PUDP: variants seen among roughly 807,000 people sequenced by gnomAD.
PUDP encodes the protein pseudouridine 5'-phosphatase.
A neutral mutation model predicts 9.4 loss-of-function variants in PUDP; 8 were observed. The ratio of observed to expected loss-of-function variants is 0.85; its 90% CI spans 0.50 to 1.53. The LOEUF (loss-of-function observed/expected upper bound fraction) is 1.53. Among genes scored for constraint, PUDP ranks in the 40% most tolerant of loss-of-function variants. The pLI, the probability that PUDP is intolerant of heterozygous loss-of-function variation, is 0.00. For missense variants in PUDP, 188 were observed against 189.7 expected (o/e 0.99, Z 0.05); for synonymous variants, 99 against 80.7 (o/e 1.23, Z -1.22).
At chrX:6,931,026 C>T (rs751965596) in intron 3 of PUDP, among the ~76,000 whole-genome samples, 9 of 109,934 alleles carry the variant, frequency 8.2e-5, no homozygotes, top group Non-Finnish European at 1.1e-4. Flanking sequence ...TATTTTTATT[C>T]GGGTGTGTGA....
At chrX:6,855,966 G>A (rs1461329091) in intron 3 of PUDP, among the ~76,000 whole-genome samples, 1 of 111,386 alleles carries the variant, frequency 9.0e-6, no homozygotes, top group Non-Finnish European at 1.9e-5. Flanking sequence ...AATATATCTA[G>A]GAGCAAATGT....
chrX:6,796,938 T>C (rs748302343), intron 3 of PUDP, among the ~76,000 whole-genome samples: 17 of 112,243 alleles, frequency 1.5e-4, no homozygotes, highest in Non-Finnish European at 3.2e-4. Context: ...GTTGAGTACA[T>C]GCCAGATGGT....
intron 3 of PUDP, among the ~76,000 whole-genome samples, chrX:6,932,583 C>T (rs987875824): frequency 9.0e-6 from 1 of 110,667 alleles, no homozygotes; most frequent in African/African-American, 3.3e-5. Context: ...TCTGAGGTAC[C>T]GGGTTCATCT....
At chrX:7,083,102 G>C (rs1234221304) in intron 2 of PUDP, among the ~76,000 whole-genome samples, 1 of 112,468 alleles carries the variant, frequency 8.9e-6, no homozygotes, top group Non-Finnish European at 1.9e-5. Context: ...TACAGAGGGA[G>C]TGTGGCCCTG....
intron 3 of PUDP, among the ~76,000 whole-genome samples, chrX:6,817,165 C>G (rs1170823232): frequency 9.2e-6 from 1 of 108,631 alleles, no homozygotes; most frequent in African/African-American, 3.3e-5. Context: ...CAGTTTCTAC[C>G]TCCTAGACTC....
intron 3 of PUDP, among the ~76,000 whole-genome samples, chrX:6,874,625 G>A (rs1300556048): frequency 8.9e-6 from 1 of 112,285 alleles, no homozygotes; most frequent in Non-Finnish European, 1.9e-5. Flanking sequence ...TACCATGCTG[G>A]TGAAGTTGAT....
chrX:6,799,170 C>T (rs1413728604), intron 3 of PUDP, among the ~76,000 whole-genome samples: 2 of 112,151 alleles, frequency 1.8e-5, no homozygotes, highest in Non-Finnish European at 3.8e-5. Context: ...AACCTTCATC[C>T]TTTAAAACGA....
intron 1 of PUDP, among the ~76,000 whole-genome samples, chrX:7,008,244 A>G (rs187725319): frequency 9.0e-6 from 1 of 111,596 alleles, no homozygotes; most frequent in East Asian, 2.8e-4. Context: ...GATTACAGGC[A>G]TGAACCACTG....
chrX:6,794,943 T>C (rs1450649570), intron 3 of PUDP, among the ~76,000 whole-genome samples: 4 of 110,085 alleles, frequency 3.6e-5, no homozygotes, highest in Non-Finnish European at 7.6e-5. Context: ...TTTTAGCTTT[T>C]GACTGTTTTA....
At chrX:7,039,131 A>G (rs1282737964) in intron 1 of PUDP, among the ~76,000 whole-genome samples, 1 of 110,064 alleles carries the variant, frequency 9.1e-6, no homozygotes, top group African/African-American at 3.3e-5. Context: ...GGGTCTCCCT[A>G]TGTTGCCCAG....
At chrX:7,044,886 A>T (rs1053052299), downstream of PUDP, among the ~76,000 whole-genome samples, 1 of 112,327 alleles carries the variant, frequency 8.9e-6, no homozygotes, top group Non-Finnish European at 1.9e-5. Flanking sequence ...GCACTTTTCT[A>T]TTGGTTGGTG....
intron 3 of PUDP, among the ~76,000 whole-genome samples, chrX:6,767,681 T>C (rs769061500): frequency 4.2e-4 from 47 of 111,914 alleles, no homozygotes; most frequent in Non-Finnish European, 8.1e-4. Context: ...TCAAATTTGC[T>C]TGAAGTTCTT....
At chrX:6,924,665 AG>A (rs1928074302) in intron 3 of PUDP, among the ~76,000 whole-genome samples, 1 of 112,282 alleles carries the variant, frequency 8.9e-6, no homozygotes, top group African/African-American at 3.2e-5. Flanking sequence ...TCCTCCCAGG[AG>A]GTCAGATGTG....
At chrX:6,879,710 A>G (rs915351498) in intron 3 of PUDP, among the ~76,000 whole-genome samples, 7 of 111,680 alleles carry the variant, frequency 6.3e-5, no homozygotes, top group African/African-American at 2.3e-4. Context: ...AAGAAGCAAT[A>G]GAAGCTGGGA....
chrX:6,960,381 G>A (rs1006143337), intron 3 of PUDP, among the ~76,000 whole-genome samples: 78 of 111,607 alleles, frequency 7.0e-4, no homozygotes, highest in African/African-American at 2.2e-3. Context: ...GCCAAGTTCC[G>A]CCTCCTCGTT....
At chrX:7,079,011 A>G (rs1931002910) in intron 2 of PUDP, among the ~76,000 whole-genome samples, 1 of 112,245 alleles carries the variant, frequency 8.9e-6, no homozygotes, top group Admixed American at 9.5e-5. Flanking sequence ...TAAGTATTAT[A>G]AACACACCTA....
chrX:6,981,170 T>C (rs1420844957), intron 1 of PUDP, among the ~76,000 whole-genome samples: 1 of 111,874 alleles, frequency 8.9e-6, no homozygotes, highest in African/African-American at 3.2e-5. Flanking sequence ...TATTGATGGA[T>C]AAGATGATGT....
chrX:6,924,083 C>T (rs1928064716), intron 3 of PUDP, among the ~76,000 whole-genome samples: 1 of 111,230 alleles, frequency 9.0e-6, no homozygotes, highest in African/African-American at 3.3e-5. Context: ...GGGAGCCCTT[C>T]CCAGACACGT....
intron 1 of PUDP, among the ~76,000 whole-genome samples, chrX:7,119,395 T>A (rs1169240464): frequency 1.8e-5 from 2 of 112,751 alleles, no homozygotes; most frequent in Non-Finnish European, 3.7e-5. Context: ...TGAGCCTGCA[T>A]GTAAATGCTA....
Sources: allele counts gnomAD v4.1 joint callset (sites outside exome capture counted in the v4.1 genomes callset), GRCh38; gene constraint gnomAD v4.1.1; transcripts MANE v1.5; gene names NCBI Gene and HGNC (gene_info 2026-07-23, HGNC 2026-07-21).